The following GRM5 variants were observed in gnomAD, a reference collection of about 807,000 sequenced individuals.
GRM5 encodes metabotropic glutamate receptor 5.
A neutral mutation model predicts 83.1 loss-of-function variants in GRM5; 19 were observed. The ratio of observed to expected loss-of-function variants is 0.23; its 90% CI spans 0.16 to 0.34. The LOEUF is 0.34. Among genes scored for constraint, GRM5 ranks in the 10% least tolerant of loss-of-function variants. The probability of loss-of-function intolerance (pLI) is 1.00; values close to 1 mark genes in which losing one functional copy is unlikely to be tolerated. For synonymous variants in GRM5, 675 were observed against 633.6 expected (o/e 1.07, Z -0.98); for missense variants, 1,160 against 1,588.3 (o/e 0.73, Z 4.58).
chr11:88,744,512 G>A (rs902479142), intron 3 of GRM5, among the ~76,000 whole-genome samples: 2 of 152,074 alleles, frequency 1.3e-5, no homozygotes, highest in Non-Finnish European at 2.9e-5. Flanking sequence ...AACAAGTATC[G>A]AGCACCTATG....
chr11:88,566,250 C>G (rs556815571), intron 8 of GRM5, among the ~76,000 whole-genome samples: 1 of 152,124 alleles, frequency 6.6e-6, no homozygotes, highest in African/African-American at 2.4e-5. Context: ...TTTCCCAAGC[C>G]ACTGATAACA....
intron 3 of GRM5, among the ~76,000 whole-genome samples, chr11:88,749,521 A>G (rs1026946798): frequency 6.6e-6 from 1 of 152,206 alleles, no homozygotes; most frequent in South Asian, 2.1e-4. Flanking sequence ...GACATACTTC[A>G]TGGTATCATT....
At chr11:89,039,966 TTTTC>T (rs1028739208) in intron 2 of GRM5, among the ~76,000 whole-genome samples, 2 of 152,200 alleles carry the variant, frequency 1.3e-5, no homozygotes, top group African/African-American at 4.8e-5. Flanking sequence ...TAATTTTTCT[TTTTC>T]TTTCTTTTTT....
At chr11:88,785,252 A>C (rs1565229662) in intron 3 of GRM5, among the ~76,000 whole-genome samples, 1 of 152,068 alleles carries the variant, frequency 6.6e-6, no homozygotes, top group African/African-American at 2.4e-5. Flanking sequence ...CCTTCAAATA[A>C]ATAGTTTTGA....
intron 8 of GRM5, among the ~76,000 whole-genome samples, chr11:88,527,657 A>C (rs1941910338): frequency 6.6e-6 from 1 of 152,186 alleles, no homozygotes; most frequent in Non-Finnish European, 1.5e-5. Context: ...TCACTGCAGC[A>C]CTATTCACTA....
chr11:88,850,531 T>A (rs1455641581), intron 2 of GRM5, among the ~76,000 whole-genome samples: 1 of 151,866 alleles, frequency 6.6e-6, no homozygotes, highest in Non-Finnish European at 1.5e-5. Flanking sequence ...GACAATTTCA[T>A]CCCACTGAGA....
rs534651838 is a variant in GRM5 at position 88,841,318 on chromosome 11, C to A, written c.911+8588G>T. On this transcript the variant is annotated intron_variant, in intron 3 of 9. Coordinates refer to ENST00000305447, the MANE Select transcript of GRM5 (RefSeq NM_001143831.3). ...GAAGCTGTTTTTCTCATTATCTTGACAATTTTTAAGCCAAATATCTTTGTA... is the reference window on the plus strand; with the variant it reads ...GAAGCTGTTTTTCTCATTATCTTGAAAATTTTTAAGCCAAATATCTTTGTA... 3.3e-5 allele frequency among the ~76,000 whole-genome samples: 5 copies of A among 152,314 alleles called. No homozygotes were observed. In the East Asian group the frequency reaches 7.7e-4, roughly 24 times the overall value.
At chr11:88,785,777 A>G (rs568556019) in intron 3 of GRM5, among the ~76,000 whole-genome samples, 2 of 152,198 alleles carry the variant, frequency 1.3e-5, no homozygotes, top group Non-Finnish European at 2.9e-5. Flanking sequence ...AAGAGTATCC[A>G]TATGTTACCA....
chr11:88,515,398 T>C (rs1370460641), intron 9 of GRM5, among the ~76,000 whole-genome samples: 1 of 152,140 alleles, frequency 6.6e-6, no homozygotes, highest in African/African-American at 2.4e-5. Flanking sequence ...TTCTGCAGCA[T>C]TGTAGGGTGA....
At chr11:88,850,791 G>A (rs1399320392) in intron 2 of GRM5, among the ~76,000 whole-genome samples, 1 of 151,930 alleles carries the variant, frequency 6.6e-6, no homozygotes, top group African/African-American at 2.4e-5. Context: ...TACAACCATG[G>A]GGAAGTTATT....
intron 8 of GRM5, among the ~76,000 whole-genome samples, chr11:88,542,955 C>A (rs1942302365): frequency 6.6e-6 from 1 of 152,150 alleles, no homozygotes; most frequent in South Asian, 2.1e-4. Flanking sequence ...GTAATCCCAG[C>A]TACAAAGGAG....
chr11:88,995,570 A>G (rs35186910), intron 2 of GRM5, among the ~76,000 whole-genome samples: 1 of 147,886 alleles, frequency 6.8e-6, no homozygotes, highest in Non-Finnish European at 1.5e-5. Flanking sequence ...AAAAAAAAAA[A>G]GGCCAGTGAA....
At chr11:88,740,448 T>C (rs1414340698) in intron 3 of GRM5, among the ~76,000 whole-genome samples, 1 of 152,046 alleles carries the variant, frequency 6.6e-6, no homozygotes, top group African/African-American at 2.4e-5. Flanking sequence ...AGAATATATG[T>C]TTAAGATTCA....
At chr11:88,569,735 C>T (rs1287416741) in intron 7 of GRM5, among the ~76,000 whole-genome samples, 1 of 152,180 alleles carries the variant, frequency 6.6e-6, no homozygotes, top group Non-Finnish European at 1.5e-5. Flanking sequence ...CCATGGACCC[C>T]CCACTACCTG....
intron 9 of GRM5, among the ~76,000 whole-genome samples, chr11:88,515,857 G>A (rs1042816208): frequency 6.6e-6 from 1 of 152,230 alleles, no homozygotes; most frequent in African/African-American, 2.4e-5. Context: ...GAGGAATTCA[G>A]CTTGATTTAA....
chr11:89,049,657 C>A (rs1473622855), intron 1 of GRM5, among the ~76,000 whole-genome samples: 1 of 152,280 alleles, frequency 6.6e-6, no homozygotes, highest in East Asian at 1.9e-4. Flanking sequence ...CCTATGGCAA[C>A]AGAGAAAGTC....
chr11:89,058,531 C>T (rs1257958527), intron 1 of GRM5, among the ~76,000 whole-genome samples: 2 of 152,140 alleles, frequency 1.3e-5, no homozygotes, highest in Non-Finnish European at 1.5e-5. Flanking sequence ...TACCTAAGAG[C>T]CAATCATCTG....
At chr11:88,576,777 T>G (rs528795373) in intron 7 of GRM5, among the ~76,000 whole-genome samples, 1 of 152,306 alleles carries the variant, frequency 6.6e-6, no homozygotes, top group South Asian at 2.1e-4. Context: ...TGTATTTTAT[T>G]GAAATAAAAC....
chr11:88,677,368 T>C (rs952983038), intron 3 of GRM5, among the ~76,000 whole-genome samples: 1 of 152,150 alleles, frequency 6.6e-6, no homozygotes, highest in African/African-American at 2.4e-5. Context: ...GTTATTAGTT[T>C]AGGTAACCTT....
Sources: gnomAD v4.1 joint callset for allele counts (sites outside exome capture counted in the v4.1 genomes callset) on GRCh38, gnomAD v4.1.1 for gene constraint, MANE v1.5 for transcripts, NCBI Gene and HGNC (gene_info 2026-07-23, HGNC 2026-07-21) for gene names.